SLC15A2: variants seen among roughly 807,000 people sequenced by gnomAD.
SLC15A2 encodes solute carrier family 15 member 2.
SLC15A2 carries 77 observed loss-of-function variants against 95.5 expected under a neutral mutation model. The ratio of observed to expected loss-of-function variants is 0.81; its 90% CI spans 0.67 to 0.97. The LOEUF (loss-of-function observed/expected upper bound fraction) is 0.97, where lower values mean the gene tolerates loss of function less well. SLC15A2 is among the 50% of genes least tolerant of loss of function. The probability of loss-of-function intolerance (pLI) is 0.00; values close to 1 mark genes in which losing one functional copy is unlikely to be tolerated. For missense variants in SLC15A2, 893 were observed against 874.4 expected (o/e 1.02, Z -0.27); for synonymous variants, 306 against 306.9 (o/e 1.00, Z 0.03).
In SLC15A2 at chr3:121,923,255, A is replaced by G. The variant is rs1710045315; in HGVS notation, c.991A>G (p.Asn331Asp). The change falls in exon 11 of 22, where the codon AAT becomes GAT. Residue 331 changes from asparagine (N) to aspartate (D), a missense_variant. By Grantham distance (23) the Asn-to-Asp change is conservative. Transcript: ENST00000489711. ...ATGGACTTTGCAAGCCATCAGGATG[A>G]ATAGGAATTTGGTGAGTAGAAGAGA... is the stretch of plus-strand genomic sequence containing the variant. ...SRWTLQAIRM[N>D]RNLGFFVLQP... 6.2e-7 allele frequency: 1 copy of G among 1,613,920 alleles called. No individual in the cohort carries two copies.
chr3:121,919,015 G>C (rs551628411), intron 7 of SLC15A2, among the ~76,000 whole-genome samples: 1 of 152,288 alleles, frequency 6.6e-6, no homozygotes, highest in Admixed American at 6.5e-5. Flanking sequence ...TTCTGTGTTG[G>C]GTGCGGCATC....
intron 3 of SLC15A2, among the ~76,000 whole-genome samples, chr3:121,906,478 T>C (rs993409110): frequency 6.6e-6 from 1 of 152,196 alleles, no homozygotes; most frequent in Non-Finnish European, 1.5e-5. Flanking sequence ...ATTCAGCATG[T>C]TTTTGCAGTG....
At chr3:121,918,279 G>A (rs930987458) in intron 7 of SLC15A2, among the ~76,000 whole-genome samples, 30 of 152,190 alleles carry the variant, frequency 2.0e-4, no homozygotes, top group Non-Finnish European at 2.9e-5. Flanking sequence ...AAGGTTTAAT[G>A]TAGTGTTCTG....
At chr3:121,940,316 T>C in intron 20 of SLC15A2, 68 bp from the exon 21 acceptor site, 1 of 1,190,298 alleles carries the variant, frequency 8.4e-7, no homozygotes, top group Admixed American at 1.7e-5. Context: ...GGGAGAAGTT[T>C]CCTGGATGCA....
rs1330077834 is a variant in SLC15A2 at position 121,911,586 on chromosome 3, T to A, written c.348T>A (p.Tyr116Ter). 1.2e-6 allele frequency: 2 copies of A among 1,613,438 alleles called. No homozygotes were observed. Among genetic ancestry groups the A allele is most frequent in the Admixed American group, 3.3e-5 (2 of 59,988 alleles). Residue 116 changes from tyrosine (Y) to a stop codon, truncating the protein, a stop_gained, in exon 4 of 22, where the codon TAT becomes TAA. Transcript: ENST00000489711. LOFTEE classifies it high-confidence loss of function. ...GCTCTCTCAACAGGACAATCATCTATCTCTCCTTGGTGTATGTGCTTGGCC... is the reference window on the plus strand; with the variant it reads ...GCTCTCTCAACAGGACAATCATCTAACTCTCCTTGGTGTATGTGCTTGGCC... Reference protein sequence around the residue: ...SWLGKFKTIIYLSLVYVLGHV... With the variant: ...SWLGKFKTII
Position 121,930,910 on chromosome 3 carries a change from G to T in SLC15A2, c.1624G>T (p.Asp542Tyr). The change falls in exon 18 of 22, where the codon GAC (aspartate) becomes TAC (tyrosine). Residue 542 changes from aspartate (D) to tyrosine (Y), a missense_variant. Physicochemically the swap from Asp to Tyr is radical, Grantham distance 160. Coordinates refer to ENST00000489711, the MANE Select transcript of SLC15A2 (RefSeq NM_021082.4). ...STDTSLNVGE[D>Y]YGVSAYRTVQ... The stretch of plus-strand genomic sequence containing the variant: ...AGATACCTCTCTCAATGTTGGTGAA[G>T]ACTATGGTGTGTCTGCTTATAGAAC... 3 of 1,613,468 alleles carry T rather than the reference G, an allele frequency of 1.9e-6. No individual in the cohort carries two copies. In the East Asian group the frequency reaches 6.7e-5, roughly 36 times the overall value.
chr3:121,932,856 A>T (rs1345271409), intron 19 of SLC15A2, among the ~76,000 whole-genome samples: 13 of 152,178 alleles, frequency 8.5e-5, no homozygotes, highest in Non-Finnish European at 1.8e-4. Context: ...GGTGCGCTGC[A>T]CCCACTAACT....
chr3:121,924,856 G>A (rs1710081681), intron 12 of SLC15A2, 89 bp from the exon 13 acceptor site: 2 of 921,754 alleles, frequency 2.2e-6, no homozygotes, highest in Non-Finnish European at 3.6e-6. Flanking sequence ...GTAGATGTGA[G>A]ACAGAGTGTA....
chr3:121,912,617 C>T (rs764219512), intron 4 of SLC15A2, among the ~76,000 whole-genome samples: 7 of 152,070 alleles, frequency 4.6e-5, no homozygotes, highest in African/African-American at 7.2e-5. Flanking sequence ...TGAATTTGAA[C>T]ATTTTTTTTT....
rs1449095718 is a variant in SLC15A2, at chr3:121,941,628, A to G, written c.*621A>G. The stretch of plus-strand genomic sequence containing the variant: ...GAGAAGTTATATCTCTCTGATTATG[A>G]TAGTATTTTATTTACTTATCCAAAC... On this transcript the variant is annotated 3_prime_UTR_variant, in exon 22 of 22. Transcript: ENST00000489711. 6.6e-6 allele frequency: 1 copy of G among 152,178 alleles called. No homozygotes were observed. Among genetic ancestry groups the G allele is most frequent in the Non-Finnish European group, 1.5e-5 (1 of 68,038 alleles). The allele number at this position is 152,178 out of a possible 1,614,324, so 9.4% of individuals were successfully genotyped here.
At chr3:121,905,208 T>A (rs1709610112) in intron 3 of SLC15A2, among the ~76,000 whole-genome samples, 1 of 152,212 alleles carries the variant, frequency 6.6e-6, no homozygotes, top group African/African-American at 2.4e-5. Flanking sequence ...CCCTTTATCA[T>A]TTTTTATTGT....
chr3:121,943,516 A>C lies in SLC15A2; in HGVS notation c.*2509A>C, dbSNP rs1168463173. On this transcript the variant is annotated 3_prime_UTR_variant, in exon 22 of 22. Transcript: ENST00000489711. The stretch of plus-strand genomic sequence containing the variant: ...TCTTAATATGAAGTGCCTGGAGTCA[A>C]ATATAACATTCCAAAGTAGTCTGAC... The C allele has an allele frequency of 6.6e-6, 1 of 152,226 alleles. No individual in the cohort carries two copies. Among genetic ancestry groups the C allele is most frequent in the Non-Finnish European group, 1.5e-5 (1 of 68,048 alleles). The allele number at this position is 152,226 out of a possible 1,614,324, so 9.4% of individuals were successfully genotyped here. A position where few individuals can be genotyped will look rare whatever the true frequency, so the allele number is the denominator to read the frequency against.
intron 19 of SLC15A2, among the ~76,000 whole-genome samples, chr3:121,938,108 G>A (rs1342849478): frequency 6.6e-6 from 1 of 151,802 alleles, no homozygotes; most frequent in Admixed American, 6.6e-5. Context: ...CACTTGAGGA[G>A]GCAGTCTGCC....
intron 3 of SLC15A2, among the ~76,000 whole-genome samples, chr3:121,902,568 TC>T (rs1201104342): frequency 1.3e-5 from 2 of 152,108 alleles, no homozygotes; most frequent in Non-Finnish European, 2.9e-5. Context: ...GTCCAAGTGT[TC>T]TCATTGTTCA....
chr3:121,915,579 CAG>C, intron 6 of SLC15A2, 35 bp from the exon 7 acceptor site: 1 of 1,465,814 alleles, frequency 6.8e-7, no homozygotes, highest in South Asian at 1.1e-5. Context: ...ATTCAAGACT[CAG>C]AGTTACTTTC....
intron 1 of SLC15A2, among the ~76,000 whole-genome samples, chr3:121,894,960 A>G (rs1559836564): frequency 6.6e-6 from 1 of 152,346 alleles, no homozygotes; most frequent in East Asian, 1.9e-4. Context: ...CCCTGTGTGC[A>G]GAGTCTTCTG....
chr3:121,911,484 C>T, intron 3 of SLC15A2, 90 bp from the exon 4 acceptor site: 1 of 813,324 alleles, frequency 1.2e-6, no homozygotes, highest in Non-Finnish European at 2.1e-6. Flanking sequence ...TCCATTTATC[C>T]CCACACTGAG....
intron 12 of SLC15A2, among the ~76,000 whole-genome samples, 156 bp downstream of exon 12, chr3:121,924,539 C>T (rs1166577997): frequency 2.0e-5 from 3 of 152,166 alleles, no homozygotes; most frequent in African/African-American, 4.8e-5. Flanking sequence ...TAAGCCCCAC[C>T]CTTCTCCTTC....
chr3:121,905,755 G>A (rs985144718), intron 3 of SLC15A2, among the ~76,000 whole-genome samples: 1 of 152,136 alleles, frequency 6.6e-6, no homozygotes, highest in Non-Finnish European at 1.5e-5. Context: ...GCTGAGGAGT[G>A]CTTTACTTCC....
Sources: allele counts gnomAD v4.1 joint callset (sites outside exome capture counted in the v4.1 genomes callset), GRCh38; gene constraint gnomAD v4.1.1; transcripts MANE v1.5; gene names NCBI Gene and HGNC (gene_info 2026-07-23, HGNC 2026-07-21).